EXPH5: variants seen among roughly 807,000 people sequenced by gnomAD.
The protein encoded by EXPH5 is exophilin-5.
In EXPH5, 42 loss-of-function variants were observed where a neutral mutation model predicts 41.1. The observed-to-expected ratio is 1.02, with a 90% CI of 0.80 to 1.32. The LOEUF (loss-of-function observed/expected upper bound fraction) is 1.32, where lower values mean the gene tolerates loss of function less well. Among genes scored for constraint, EXPH5 ranks in the 40% most tolerant of loss-of-function variants. The pLI is 0.00. For missense variants in EXPH5, 2,298 were observed against 2,314.5 expected (o/e 0.99, Z 0.15); for synonymous variants, 798 against 833.5 (o/e 0.96, Z 0.73).
In EXPH5 at chr11:108,509,680, T is replaced by C. The variant is rs762222828; in HGVS notation, c.5827A>G (p.Ser1943Gly). 6.2e-7 allele frequency: 1 copy of C among 1,613,948 alleles called. No homozygotes were observed. The highest frequency in any genetic ancestry group is 1.1e-5 in the South Asian group (1 of 91,036). The change falls in exon 6 of 6, where the codon AGT becomes GGT. Residue 1943 changes from serine to glycine, a missense_variant. Ser to Gly is a moderately conservative substitution (Grantham distance 56). Transcript: ENST00000265843. ...GATAAGCCATCTTCTGGCACCTGAC[T>C]ACTGGGAGAATTTGAGCTTAATGAC... is the stretch of plus-strand genomic sequence containing the variant. ...SESLSSNSPS[S>G]QVPEDGLSPS...
intron 1 of EXPH5, among the ~76,000 whole-genome samples, chr11:108,554,925 C>A (rs2093983637): frequency 6.6e-6 from 1 of 152,028 alleles, no homozygotes; most frequent in South Asian, 2.1e-4. Flanking sequence ...ACCCTGTCTC[C>A]CCCCGGCCTC....
In EXPH5 at chr11:108,512,054, C is replaced by G; in HGVS notation, c.3453G>C (p.Glu1151Asp). 1 of 1,605,770 alleles carries G rather than the reference C, an allele frequency of 6.2e-7. No homozygotes were observed. The highest frequency in any genetic ancestry group is 8.5e-7 in the Non-Finnish European group (1 of 1,177,106). ...KPLTSGMDASELTPRAWERII... is the reference protein window; with the variant it reads ...KPLTSGMDASDLTPRAWERII... Reference sequence around the variant, plus strand: ...TTCTCTCCCAAGCCCTTGGTGTTAGCTCAGAAGCATCCATGCCTGAGGTCA... The same window carrying G: ...TTCTCTCCCAAGCCCTTGGTGTTAGGTCAGAAGCATCCATGCCTGAGGTCA... The change falls in exon 6 of 6, where the codon GAG becomes GAC. Residue 1151 changes from glutamate (E) to aspartate (D), a missense_variant. Glu to Asp is a conservative substitution (Grantham distance 45, BLOSUM62 2). Coordinates refer to ENST00000265843, the MANE Select transcript of EXPH5 (RefSeq NM_015065.3).
At chr11:108,604,754 G>A in the EXPH5 span, among the ~76,000 whole-genome samples, 1 of 152,068 alleles carries the variant, frequency 6.6e-6, no homozygotes, top group East Asian at 1.9e-4. Flanking sequence ...GAGACCCCAG[G>A]GTCAAAGGGA....
intron 1 of EXPH5, among the ~76,000 whole-genome samples, chr11:108,590,323 T>C (rs191151203): frequency 1.6e-4 from 25 of 152,354 alleles, no homozygotes; most frequent in Admixed American, 1.6e-3. Context: ...TTATGTTTAC[T>C]GTTTGGATAT....
chr11:108,565,709 T>C (rs2094031657), intron 1 of EXPH5, among the ~76,000 whole-genome samples: 1 of 152,190 alleles, frequency 6.6e-6, no homozygotes, highest in Non-Finnish European at 1.5e-5. Context: ...TTTGGGCTGA[T>C]CAAATGACAT....
chr11:108,526,916 C>T (rs1274734603), intron 4 of EXPH5, among the ~76,000 whole-genome samples: 2 of 152,106 alleles, frequency 1.3e-5, no homozygotes, highest in Non-Finnish European at 2.9e-5. Context: ...ACAGTAAGTT[C>T]TCCATTAGAG....
At chr11:108,600,431 GT>G in the EXPH5 span, among the ~76,000 whole-genome samples, 1 of 151,628 alleles carries the variant, frequency 6.6e-6, no homozygotes, top group Non-Finnish European at 1.5e-5. Flanking sequence ...AAGTACTTAG[GT>G]TTTAAACTAG....
At chr11:108,568,175 T>TTGGTGG (rs71875609) in intron 1 of EXPH5, 2 of 102,854 alleles carry the variant, frequency 1.9e-5, no homozygotes, top group Admixed American at 9.5e-5. Context: ...TTACTTTTTT[T>TTGGTGG]GGGAGGGGGG....
rs2094133931 is a variant in EXPH5, at chr11:108,593,604, C to A, written c.-68G>T. On this transcript the variant is annotated 5_prime_UTR_variant, in exon 1 of 6. It adds an upstream start codon to the 5' untranslated region. Coordinates refer to ENST00000265843, the MANE Select transcript of EXPH5 (RefSeq NM_015065.3). ...TCCTGTTAGGAAGGCATTTTTCAAC[C>A]TGTACAAGACCAGTTTCACGAACTT... The A allele has an allele frequency of 8.7e-6, 14 of 1,611,488 alleles. No individual in the cohort carries two copies. The highest frequency in any genetic ancestry group is 1.2e-5 in the Non-Finnish European group (14 of 1,178,834).
intron 1 of EXPH5, among the ~76,000 whole-genome samples, chr11:108,567,460 C>T (rs1401417621): frequency 6.6e-6 from 1 of 152,182 alleles, no homozygotes; most frequent in African/African-American, 2.4e-5. Context: ...TCCAATCCAT[C>T]TTTCTCTTCT....
At chr11:108,582,662 C>T (rs1187814397) in intron 1 of EXPH5, among the ~76,000 whole-genome samples, 1 of 152,186 alleles carries the variant, frequency 6.6e-6, no homozygotes, top group Non-Finnish European at 1.5e-5. Flanking sequence ...AAGTACTGCA[C>T]ATTGAGCGAC....
rs1306312781 is a variant in EXPH5 at position 108,573,135 on chromosome 11, A to AGAGG, written c.119+20282_119+20283insCCTC. Among the ~76,000 whole-genome samples, 303 of 130,330 alleles carry AGAGG rather than the reference A, an allele frequency of 2.3e-3. 3 individuals are homozygous for AGAGG. The highest frequency in any genetic ancestry group is 1.2e-3 in the Non-Finnish European group (71 of 61,504). 85.5% of individuals were successfully genotyped at this position (130,330 alleles called of 152,430 possible). ...AAAGAAAAAGAAAAGAAGGAAGGAA[A>AGAGG]GAAGGAAAGAAAGAAAGAAAGAAAG... On this transcript the variant is annotated intron_variant, in intron 1 of 5. Coordinates refer to ENST00000265843, the MANE Select transcript of EXPH5 (RefSeq NM_015065.3).
intron 1 of EXPH5, among the ~76,000 whole-genome samples, chr11:108,579,246 C>A (rs74826837): frequency 2.0e-5 from 3 of 149,696 alleles, no homozygotes; most frequent in Non-Finnish European, 4.4e-5. Context: ...TTAATGAATG[C>A]TTTTTTGACA....
At chr11:108,557,029 C>G (rs933493067) in intron 1 of EXPH5, among the ~76,000 whole-genome samples, 10 of 152,198 alleles carry the variant, frequency 6.6e-5, no homozygotes, top group African/African-American at 2.2e-4. Flanking sequence ...CAGACTTGTT[C>G]CCTCCATCTG....
At chr11:108,565,783 A>G (rs951678386) in intron 1 of EXPH5, among the ~76,000 whole-genome samples, 2 of 152,176 alleles carry the variant, frequency 1.3e-5, no homozygotes, top group African/African-American at 4.8e-5. Flanking sequence ...ATGCTTACCT[A>G]TCTGGACTTC....
intron 1 of EXPH5, among the ~76,000 whole-genome samples, chr11:108,585,136 A>T (rs568811957): frequency 7.9e-5 from 12 of 152,382 alleles, no homozygotes; most frequent in Admixed American, 5.9e-4. Context: ...GAAGGCAAGT[A>T]AGCACATAAA....
At chr11:108,569,144 T>C (rs1277583192) in intron 1 of EXPH5, among the ~76,000 whole-genome samples, 1 of 152,130 alleles carries the variant, frequency 6.6e-6, no homozygotes, top group African/African-American at 2.4e-5. Context: ...GCTTGCCTAA[T>C]GTTGTTCACT....
In EXPH5 at chr11:108,513,959, A is replaced by G. The variant is rs931420444; in HGVS notation, c.1548T>C (p.Ser516=). 4.4e-6 allele frequency: 7 copies of G among 1,608,674 alleles called. No homozygotes were observed. Among genetic ancestry groups the G allele is most frequent in the Non-Finnish European group, 5.9e-6 (7 of 1,177,950 alleles). The change falls in exon 6 of 6, where the codon AGT becomes AGC. Residue 516 remains serine (S), a synonymous_variant. Transcript: ENST00000265843. ...CATTATGGCCATGAATGGCTGATAC[A>G]CTATTTGCTTCCATGGAAATCATTT... ...DFEMISMEAN[S]VSAIHGHNVS...
chr11:108,511,066 G>A lies in EXPH5; in HGVS notation c.4441C>T (p.Pro1481Ser). Reference sequence around the variant, plus strand: ...CCAATGTCCCCTCTGCCTTCCCTAGGCTGTGATCCACTGGAGCCATCACCT... The same window carrying A: ...CCAATGTCCCCTCTGCCTTCCCTAGACTGTGATCCACTGGAGCCATCACCT... ...AVGDGSSGSQ[P>S]REGRGDIGTN... is the part of the protein sequence containing the mutation. The change falls in exon 6 of 6, where the codon CCT (proline) becomes TCT (serine). Residue 1481 changes from proline to serine, a missense_variant. Transcript: ENST00000265843. 1 of 1,614,068 alleles carries A rather than the reference G, an allele frequency of 6.2e-7. No individual in the cohort carries two copies. Among genetic ancestry groups the A allele is most frequent in the Non-Finnish European group, 8.5e-7 (1 of 1,179,994 alleles).
Sources: gnomAD v4.1 joint callset for allele counts (sites outside exome capture counted in the v4.1 genomes callset) on GRCh38, gnomAD v4.1.1 for gene constraint, MANE v1.5 for transcripts, NCBI Gene and HGNC (gene_info 2026-07-23, HGNC 2026-07-21) for gene names.